Variants in CDYL observed in about 807,000 individuals in gnomAD.
CDYL encodes the protein chromodomain Y-like protein.
A neutral mutation model predicts 47.3 loss-of-function variants in CDYL; 8 were observed. That is an observed-to-expected ratio of 0.17 (90% confidence interval 0.10 to 0.31). CDYL has a LOEUF of 0.31. Ranked by LOEUF, CDYL falls within the 10% of genes least tolerant of loss-of-function variation. CDYL has a pLI of 1.00. For missense variants in CDYL, 471 were observed against 701.4 expected (o/e 0.67, Z 3.71); for synonymous variants, 266 against 265.0 (o/e 1.00, Z -0.04).
intron 1 of CDYL, among the ~76,000 whole-genome samples, chr6:4,883,936 A>G (rs1329341849): frequency 2.6e-5 from 4 of 152,214 alleles, no homozygotes; most frequent in Non-Finnish European, 5.9e-5. Context: ...CAAACTCTCC[A>G]AAATGAGTCT....
chr6:4,812,079 TAAC>T lies in CDYL; in HGVS notation c.24+35275_24+35277del, dbSNP rs552366837. ...TCCAGTTGAATTGGAATCTGCATCT[TAAC>T]AAGATCTTTGGTGATTTGTAGGGAC... is the stretch of plus-strand genomic sequence containing the variant. On this transcript the variant is annotated intron_variant, in intron 1 of 6. Transcript: ENST00000397588. Among the ~76,000 whole-genome samples, 13 of 152,352 alleles carry T rather than the reference TAAC, an allele frequency of 8.5e-5. No individual in the cohort carries two copies. The South Asian group carries it at 2.5e-3, about 29-fold the overall frequency.
At chr6:4,906,031 A>C (rs553634253) in intron 2 of CDYL, among the ~76,000 whole-genome samples, 1 of 152,206 alleles carries the variant, frequency 6.6e-6, no homozygotes, top group Non-Finnish European at 1.5e-5. Context: ...TTGTAAAATC[A>C]AATGGTAAGA....
At chr6:4,916,928 G>C (rs1341194403) in intron 2 of CDYL, among the ~76,000 whole-genome samples, 1 of 152,152 alleles carries the variant, frequency 6.6e-6, no homozygotes, top group East Asian at 1.9e-4. Context: ...TGAGGCTGAT[G>C]GGGAGTCCAG....
At chr6:4,889,918 G>A (rs1366941929) in intron 1 of CDYL, 23 of 965,752 alleles carry the variant, frequency 2.4e-5, no homozygotes, top group Non-Finnish European at 2.8e-5. Context: ...TGAGGAGGGA[G>A]GGACAGGATC....
chr6:4,932,114 A>C (rs1190920330), intron 2 of CDYL, among the ~76,000 whole-genome samples: 1 of 152,158 alleles, frequency 6.6e-6, no homozygotes, highest in Non-Finnish European at 1.5e-5. Context: ...GGGAGAGTGG[A>C]CCTGAAGCCA....
chr6:4,846,586 A>G (rs567534622), intron 1 of CDYL, among the ~76,000 whole-genome samples: 1 of 152,280 alleles, frequency 6.6e-6, no homozygotes, highest in Admixed American at 6.5e-5. Context: ...GGCCCAGAAA[A>G]TAGGTGATTT....
chr6:4,840,412 G>A (rs915454014), intron 1 of CDYL, among the ~76,000 whole-genome samples: 5 of 152,078 alleles, frequency 3.3e-5, no homozygotes, highest in Non-Finnish European at 7.4e-5. Flanking sequence ...TCTTTTGTTT[G>A]ATTGCTCTGG....
intron 3 of CDYL, among the ~76,000 whole-genome samples, chr6:4,751,232 G>A (rs111372141): frequency 1.8e-3 from 271 of 152,206 alleles, no homozygotes; most frequent in African/African-American, 6.3e-3. Context: ...TAAGAATAGG[G>A]TAGGTTTATA....
intron 2 of CDYL, among the ~76,000 whole-genome samples, chr6:4,927,693 T>G (rs1022289713): frequency 5.9e-5 from 9 of 152,192 alleles, no homozygotes; most frequent in Non-Finnish European, 1.0e-4. Flanking sequence ...TGGGATTGAT[T>G]CCAGGCGTGA....
intron 2 of CDYL, chr6:4,724,474 C>G (rs1481382029): frequency 6.5e-6 from 1 of 152,684 alleles, no homozygotes; most frequent in African/African-American, 2.4e-5. Context: ...CTGCTCGCGT[C>G]CGGAATCGGT....
At chr6:4,873,030 A>G (rs1761518703) in intron 1 of CDYL, among the ~76,000 whole-genome samples, 1 of 152,200 alleles carries the variant, frequency 6.6e-6, no homozygotes, top group Non-Finnish European at 1.5e-5. Context: ...ATGTTTTTGT[A>G]GTTTTTCCTT....
intron 1 of CDYL, among the ~76,000 whole-genome samples, chr6:4,780,542 T>C (rs1156388901): frequency 6.6e-6 from 1 of 151,988 alleles, no homozygotes; most frequent in Non-Finnish European, 1.5e-5. Flanking sequence ...GTGCTGGGAT[T>C]ACAGGCATGA....
chr6:4,909,311 G>A (rs748065520), intron 2 of CDYL, among the ~76,000 whole-genome samples: 7 of 152,132 alleles, frequency 4.6e-5, no homozygotes, highest in African/African-American at 9.7e-5. Context: ...CAGGCTTTCC[G>A]GCGTCCGTAA....
intron 3 of CDYL, among the ~76,000 whole-genome samples, chr6:4,936,413 T>A (rs1758194049): frequency 1.3e-5 from 2 of 152,148 alleles, no homozygotes; most frequent in South Asian, 4.1e-4. Flanking sequence ...TTCCAAAATT[T>A]TAAGTCCTAG....
chr6:4,796,159 G>C (rs113482548), intron 1 of CDYL, among the ~76,000 whole-genome samples: 2,850 of 152,096 alleles, frequency 0.019, 107 homozygotes, highest in African/African-American at 0.065. Flanking sequence ...TCTCGAACTC[G>C]TGACCTCATG....
intron 1 of CDYL, among the ~76,000 whole-genome samples, chr6:4,819,771 T>C (rs1016877): frequency 0.24 from 36,136 of 152,128 alleles, 6,637 homozygotes; most frequent in African/African-American, 0.52. Flanking sequence ...GTGATGGTCA[T>C]AGCCAGGTTG....
chr6:4,918,374 C>G (rs1304013330), intron 2 of CDYL, among the ~76,000 whole-genome samples: 1 of 150,290 alleles, frequency 6.7e-6, no homozygotes, highest in Non-Finnish European at 1.5e-5. Context: ...GTTCTGCCCC[C>G]CCCCCTTTTT....
At chr6:4,791,779 C>A (rs1478297596) in intron 1 of CDYL, among the ~76,000 whole-genome samples, 3 of 151,670 alleles carry the variant, frequency 2.0e-5, no homozygotes, top group Admixed American at 6.6e-5. Flanking sequence ...CCATTCTGGA[C>A]AGAAGAGTAG....
At chr6:4,822,556 C>A (rs1416941558) in intron 1 of CDYL, among the ~76,000 whole-genome samples, 1 of 152,108 alleles carries the variant, frequency 6.6e-6, no homozygotes, top group African/African-American at 2.4e-5. Flanking sequence ...CCAATAATTT[C>A]TAATCCTGGC....
Sources: gnomAD v4.1 joint callset for allele counts (sites outside exome capture counted in the v4.1 genomes callset) on GRCh38, gnomAD v4.1.1 for gene constraint, MANE v1.5 for transcripts, NCBI Gene and HGNC (gene_info 2026-07-23, HGNC 2026-07-21) for gene names.